Variants in CYP2B6 observed in about 807,000 individuals in gnomAD.
The protein encoded by CYP2B6 is cytochrome P450 2B6.
In CYP2B6, 35 loss-of-function variants were observed where a neutral mutation model predicts 43.4. The ratio of observed to expected loss-of-function variants is 0.81; its 90% CI spans 0.62 to 1.07. CYP2B6 has a LOEUF of 1.07. CYP2B6 is among the 50% of genes least tolerant of loss of function. The pLI is 0.00. For synonymous variants in CYP2B6, 239 were observed against 239.2 expected, an observed-to-expected ratio of 1.00 and a Z score of 0.01; for missense variants, 624 against 632.8, an observed-to-expected ratio of 0.99 and a Z score of 0.15.
In CYP2B6 at chr19:40,998,490, G is replaced by A. The variant is rs536923532; in HGVS notation, c.172-5511G>A. ...CACATTGTGCAGGTTAGTTACATAC[G>A]TATACATGTGCCATGCTGGTGCGCT... On this transcript the variant is annotated intron_variant, in intron 1 of 8. Transcript: ENST00000324071. Among the ~76,000 whole-genome samples, 110 of 150,512 alleles carry A rather than the reference G, an allele frequency of 7.3e-4. 2 individuals carry two copies. In the South Asian group the frequency reaches 0.019, roughly 27 times the overall value.
chr19:41,003,071 C>A (rs1969120863), intron 1 of CYP2B6, among the ~76,000 whole-genome samples: 1 of 151,956 alleles, frequency 6.6e-6, no homozygotes, highest in Non-Finnish European at 1.5e-5. Flanking sequence ...ATATTTTGTT[C>A]ATTTTTTGGT....
chr19:41,014,328 C>T (rs879382000), intron 8 of CYP2B6, among the ~76,000 whole-genome samples: 3 of 150,584 alleles, frequency 2.0e-5, no homozygotes, highest in Non-Finnish European at 3.0e-5. Flanking sequence ...TGTCTTCAGA[C>T]GGAGTCTTCC....
In CYP2B6 at chr19:41,012,413, C is replaced by T. The variant is rs140830969; in HGVS notation, c.1080C>T (p.Ser360=). The T allele has an allele frequency of 6.1e-4, 988 of 1,614,030 alleles. 2 individuals carry two copies. In the Admixed American group the frequency reaches 6.4e-3, roughly 10 times the overall value. Residue 360 remains serine, a synonymous_variant, in exon 7 of 9, where the codon TCC becomes TCT. Coordinates refer to ENST00000324071, the MANE Select transcript of CYP2B6 (RefSeq NM_000767.5). ...EAVIYEIQRF[S]DLLPMGVPHI... is the part of the protein sequence containing the mutation. ...TCATCTATGAGATTCAGAGATTTTC[C>T]GACCTTCTCCCCATGGGTGTGCCCC...
chr19:41,004,396 G>T lies in CYP2B6; in HGVS notation c.434G>T (p.Arg145Leu). Residue 145 changes from arginine (R) to leucine (L), a missense_variant, in exon 3 of 9, where the codon CGG becomes CTG. Physicochemically the swap from Arg to Leu is moderately radical, Grantham distance 102. Coordinates refer to ENST00000324071, the MANE Select transcript of CYP2B6 (RefSeq NM_000767.5). ...FGMGKRSVEE[R>L]IQEEAQCLIE... ...ATGGGAAAGCGGAGTGTGGAGGAGC[G>T]GATTCAGGAGGAGGCTCAGTGTCTG... 6.2e-7 allele frequency: 1 copy of T among 1,613,944 alleles called. No homozygotes were observed. The highest frequency in any genetic ancestry group is 2.2e-5 in the East Asian group (1 of 44,872).
chr19:40,999,358 C>A (rs1036277317), intron 1 of CYP2B6, among the ~76,000 whole-genome samples: 1 of 151,578 alleles, frequency 6.6e-6, no homozygotes, highest in Non-Finnish European at 1.5e-5. Flanking sequence ...AAATTTTCTC[C>A]CATTTTGTAG....
chr19:41,000,698 A>G (rs1481162196), intron 1 of CYP2B6, among the ~76,000 whole-genome samples: 1 of 152,068 alleles, frequency 6.6e-6, no homozygotes, highest in Non-Finnish European at 1.5e-5. Context: ...TCCAGGTGTC[A>G]TTTACAACTA....
chr19:41,002,756 T>A (rs900140581), intron 1 of CYP2B6, among the ~76,000 whole-genome samples: 2 of 151,930 alleles, frequency 1.3e-5, no homozygotes, highest in African/African-American at 4.8e-5. Flanking sequence ...ACCATGTTGG[T>A]CAGGCTGGAC....
chr19:41,013,798 T>C (rs561696274), intron 8 of CYP2B6, among the ~76,000 whole-genome samples: 3 of 152,288 alleles, frequency 2.0e-5, no homozygotes, highest in Admixed American at 2.0e-4. Flanking sequence ...AATTCATGAA[T>C]TGGGCAGCAC....
At chr19:40,993,804 A>C (rs1455394000) in intron 1 of CYP2B6, among the ~76,000 whole-genome samples, 2 of 152,118 alleles carry the variant, frequency 1.3e-5, no homozygotes, top group African/African-American at 2.4e-5. Context: ...ATTTTAAATT[A>C]AGTTATCTGC....
At chr19:40,997,322 T>C in intron 1 of CYP2B6, among the ~76,000 whole-genome samples, 1 of 151,968 alleles carries the variant, frequency 6.6e-6, no homozygotes, top group Non-Finnish European at 1.5e-5. Flanking sequence ...TATCTACTTA[T>C]CATTACTAAT....
chr19:41,000,176 C>A (rs1441137243), intron 1 of CYP2B6, among the ~76,000 whole-genome samples: 1 of 152,062 alleles, frequency 6.6e-6, no homozygotes, highest in African/African-American at 2.4e-5. Flanking sequence ...GGCAGCAGCT[C>A]CCTTGAGAAG....
chr19:41,013,063 G>C, intron 8 of CYP2B6: 1 of 517,122 alleles, frequency 1.9e-6, no homozygotes, highest in East Asian at 3.6e-5. Context: ...ACCTCAGTGA[G>C]TTCATTTTCT....
chr19:41,002,432 T>A (rs780073871), intron 1 of CYP2B6, among the ~76,000 whole-genome samples: 2 of 152,174 alleles, frequency 1.3e-5, no homozygotes, highest in Non-Finnish European at 2.9e-5. Context: ...GTAATTGACA[T>A]GCAGGCCAAG....
intron 6 of CYP2B6, among the ~76,000 whole-genome samples, chr19:41,010,904 C>T (rs1969273335): frequency 6.6e-6 from 1 of 152,146 alleles, no homozygotes; most frequent in Non-Finnish European, 1.5e-5. Context: ...ATTTGACTTT[C>T]TGTGCCATCA....
Position 41,016,645 on chromosome 19 carries a change from G to C in CYP2B6, c.1295-1G>C. On this transcript the variant is annotated splice_acceptor_variant, in intron 8 of 8. Transcript: ENST00000324071. LOFTEE classifies it high-confidence loss of function. ...ACACTGGTGACCTTCTGTGTCCACA[G>C]GGAAGCGGATTTGTCTTGGTGAAGG... is the stretch of plus-strand genomic sequence containing the variant. The C allele has an allele frequency of 6.2e-7, 1 of 1,614,054 alleles. No individual in the cohort carries two copies. Among genetic ancestry groups the C allele is most frequent in the Non-Finnish European group, 8.5e-7 (1 of 1,179,914 alleles).
At position 41,014,413 on chromosome 19, in the gene CYP2B6, C is replaced by T. The variant is rs1969330138; in HGVS notation, c.1294+1598C>T. ...CTCTGCCTCCCAGGTTCAAGTGATT[C>T]TCCTGCCTCAGCCTCCCGAGTACCT... On this transcript the variant is annotated intron_variant, in intron 8 of 8. Coordinates refer to ENST00000324071, the MANE Select transcript of CYP2B6 (RefSeq NM_000767.5). Among the ~76,000 whole-genome samples the T allele has an allele frequency of 4.0e-5, 6 of 151,780 alleles. No homozygotes were observed. In the South Asian group the frequency reaches 1.2e-3, roughly 32 times the overall value.
intron 1 of CYP2B6, among the ~76,000 whole-genome samples, chr19:40,997,317 A>G (rs1969011974): frequency 1.3e-5 from 2 of 151,942 alleles, no homozygotes; most frequent in African/African-American, 4.8e-5. Flanking sequence ...TTAATTATCT[A>G]CTTATCATTA....
intron 6 of CYP2B6, 32 bp from the exon 7 acceptor site, chr19:41,012,266 A>C: frequency 6.2e-7 from 1 of 1,611,034 alleles, no homozygotes; most frequent in Non-Finnish European, 8.5e-7. Flanking sequence ...GCCTCTTTAA[A>C]ATGAGATTCA....
chr19:41,016,921 C>G lies in CYP2B6; in HGVS notation c.*94C>G, dbSNP rs1440118565. 7.5e-7 allele frequency: 1 copy of G among 1,338,478 alleles called. No homozygotes were observed. The highest frequency in any genetic ancestry group is 2.1e-5 in the Admixed American group (1 of 47,688). The allele number at this position is 1,338,478 out of a possible 1,614,324, so 82.9% of individuals were successfully genotyped here. A position where few individuals can be genotyped will look rare whatever the true frequency, so the allele number is the denominator to read the frequency against. On this transcript the variant is annotated 3_prime_UTR_variant, in exon 9 of 9. Transcript: ENST00000324071. The stretch of plus-strand genomic sequence containing the variant: ...TCTGACTCCCCGCAACTTCCTGCCT[C>G]TGAGAGACCTGCTACAAGCCAGCTT...
Sources: allele counts gnomAD v4.1 joint callset (sites outside exome capture counted in the v4.1 genomes callset), GRCh38; gene constraint gnomAD v4.1.1; transcripts MANE v1.5; gene names NCBI Gene and HGNC (gene_info 2026-07-23, HGNC 2026-07-21).